Variants in CMTR1 observed in about 807,000 individuals in gnomAD.
The protein encoded by CMTR1 is cap methyltransferase 1, also known as cap-specific mRNA (nucleoside-2'-O-)-methyltransferase 1.
CMTR1 carries 39 observed loss-of-function variants against 107.0 expected under a neutral mutation model. The observed-to-expected ratio is 0.36, with a 90% CI of 0.28 to 0.48. The LOEUF is 0.48. CMTR1 is among the 20% of genes least tolerant of loss of function. The pLI is 0.99. For missense variants in CMTR1, 672 were observed against 1,064.9 expected (o/e 0.63, Z 5.14); for synonymous variants, 366 against 379.5 (o/e 0.96, Z 0.41).
chr6:37,438,892 A>G (rs372940616), intron 2 of CMTR1, among the ~76,000 whole-genome samples: 18 of 152,206 alleles, frequency 1.2e-4, no homozygotes, highest in Non-Finnish European at 1.3e-4. Flanking sequence ...AAATCATTCT[A>G]TTAAAGCAGA....
At chr6:37,424,557 G>C in the CMTR1 span, among the ~76,000 whole-genome samples, 2 of 151,850 alleles carry the variant, frequency 1.3e-5, no homozygotes, top group Admixed American at 1.3e-4. Context: ...TAGTACCTTT[G>C]TCTTAATTCC....
chr6:37,451,123 T>G (rs547884127), intron 5 of CMTR1, among the ~76,000 whole-genome samples: 1 of 152,308 alleles, frequency 6.6e-6, no homozygotes, highest in Non-Finnish European at 1.5e-5. Flanking sequence ...CATTAGCCTT[T>G]TAAACTGAAT....
chr6:37,462,215 A>G (rs552204158), intron 12 of CMTR1, 113 bp downstream of exon 12: 84 of 1,310,062 alleles, frequency 6.4e-5, no homozygotes, highest in Non-Finnish European at 8.4e-5. Context: ...CCTTGACTTT[A>G]AAGAAGTGAT....
chr6:37,450,558 T>A (rs997111681), intron 5 of CMTR1, among the ~76,000 whole-genome samples: 2 of 152,274 alleles, frequency 1.3e-5, no homozygotes, highest in African/African-American at 4.8e-5. Flanking sequence ...TCTAAGTTAT[T>A]TAAATTGTAA....
At chr6:37,451,444 G>A (rs78882616) in intron 5 of CMTR1, among the ~76,000 whole-genome samples, 2,350 of 152,202 alleles carry the variant, frequency 0.015, 57 homozygotes, top group African/African-American at 0.053. Context: ...CTGGTGGAAG[G>A]ACAAGCTTTT....
intron 3 of CMTR1, among the ~76,000 whole-genome samples, chr6:37,445,016 ACT>A (rs1358168339): frequency 1.3e-5 from 2 of 151,916 alleles, no homozygotes; most frequent in Non-Finnish European, 2.9e-5. Context: ...ACAAAGTGAG[ACT>A]CTGTCTCAAA....
chr6:37,471,898 C>G lies in CMTR1; in HGVS notation c.1614C>G (p.Leu538=). The G allele has an allele frequency of 6.2e-7, 1 of 1,613,302 alleles. No homozygotes were observed. Among genetic ancestry groups the G allele is most frequent in the East Asian group, 2.2e-5 (1 of 44,872 alleles). ...QAEIRKECLR[L]WGIPDQARVA... ...AGATACGGAAGGAGTGCCTCCGACT[C>G]TGGGGGGTGAGTATCTCCCCCGCCC... Residue 538 remains leucine (L), a synonymous_variant, in exon 15 of 24, where the codon CTC becomes CTG. Coordinates refer to ENST00000373451, the MANE Select transcript of CMTR1 (RefSeq NM_015050.3).
rs1761655281 is a variant in CMTR1, at chr6:37,472,717, G to A, written c.1689+230G>A. ...GAAGATTCTCATGTTCAGTGCTTGG[G>A]CTCAGCATTCCTGCCACCCAAAGGG... On this transcript the variant is annotated intron_variant, in intron 16 of 23. Transcript: ENST00000373451. This position sits in a 1 kb window ranked among gnomAD's most constrained non-coding sequence, Gnocchi z 4.1. 6.6e-6 allele frequency among the ~76,000 whole-genome samples: 1 copy of A among 152,216 alleles called. No homozygotes were observed. The highest frequency in any genetic ancestry group is 2.4e-5 in the African/African-American group (1 of 41,456).
At chr6:37,474,419 G>A (rs1761692316) in intron 17 of CMTR1, 105 bp from the exon 18 acceptor site, 1 of 1,314,778 alleles carries the variant, frequency 7.6e-7, no homozygotes, top group Non-Finnish European at 1.1e-6. Context: ...ACATTTCCCA[G>A]TCCCATCAGT....
intron 16 of CMTR1, 119 bp from the exon 17 acceptor site, chr6:37,473,351 A>G: frequency 1.8e-6 from 2 of 1,093,124 alleles, no homozygotes; most frequent in Non-Finnish European, 1.3e-6. Flanking sequence ...AGGGGAGCAT[A>G]TTTCAGAGAG....
intron 20 of CMTR1, 77 bp downstream of exon 20, chr6:37,476,271 G>GCT (rs1761735301): frequency 6.9e-7 from 1 of 1,450,536 alleles, no homozygotes; most frequent in Non-Finnish European, 9.7e-7. Context: ...GGACAGGAGG[G>GCT]CTCAGTGGAG....
chr6:37,443,919 G>A, intron 2 of CMTR1, 80 bp from the exon 3 acceptor site: 1 of 1,492,800 alleles, frequency 6.7e-7, no homozygotes, highest in Non-Finnish European at 9.1e-7. Flanking sequence ...CTGAACAGTA[G>A]TTGAATAAAT....
At chr6:37,450,944 G>C (rs1761144064) in intron 5 of CMTR1, among the ~76,000 whole-genome samples, 1 of 152,146 alleles carries the variant, frequency 6.6e-6, no homozygotes, top group African/African-American at 2.4e-5. Context: ...GCTATGATGT[G>C]ATATTACAAC....
upstream of CMTR1, among the ~76,000 whole-genome samples, chr6:37,432,038 G>A (rs1321767464): frequency 6.6e-6 from 1 of 152,086 alleles, no homozygotes; most frequent in Non-Finnish European, 1.5e-5. Flanking sequence ...GGCTGGTCTC[G>A]AACTCCTGAC....
chr6:37,450,819 C>T (rs1761137953), intron 5 of CMTR1, among the ~76,000 whole-genome samples: 4 of 152,226 alleles, frequency 2.6e-5, no homozygotes, highest in Admixed American at 2.6e-4. Context: ...CCGGGGATCT[C>T]TAAGACCCCT....
At chr6:37,475,805 G>A in intron 19 of CMTR1, 1 of 478,104 alleles carries the variant, frequency 2.1e-6, no homozygotes. Context: ...CATGCTTTGG[G>A]GTGACAGGGC....
Position 37,459,616 on chromosome 6 carries a change from T to G in CMTR1, c.1027T>G (p.Ser343Ala), listed in dbSNP as rs773298348. ...AGATATCACCCGCCCAGAGAACATCTCTGCTTTTCGGAATTTTGTCCTGGA... is the reference window on the plus strand; with the variant it reads ...AGATATCACCCGCCCAGAGAACATCGCTGCTTTTCGGAATTTTGTCCTGGA... Reference protein sequence around the residue: ...DGDITRPENISAFRNFVLDNT... With the variant: ...DGDITRPENIAAFRNFVLDNT... Residue 343 changes from serine to alanine, a missense_variant, in exon 10 of 24, where the codon TCT becomes GCT. By Grantham distance (99) the Ser-to-Ala change is moderately conservative (BLOSUM62 1). Transcript: ENST00000373451. 22 of 1,614,224 alleles carry G rather than the reference T, an allele frequency of 1.4e-5. No homozygotes were observed. Among genetic ancestry groups the G allele is most frequent in the Non-Finnish European group, 1.8e-5 (21 of 1,180,030 alleles).
intron 14 of CMTR1, 54 bp from the exon 15 acceptor site, chr6:37,471,793 G>T: frequency 8.4e-6 from 13 of 1,540,730 alleles, no homozygotes; most frequent in Non-Finnish European, 1.2e-5. Flanking sequence ...GTGCACAGGG[G>T]GCACTCCTGT....
At chr6:37,447,867 CAA>C (rs572445344) in intron 4 of CMTR1, among the ~76,000 whole-genome samples, 11 of 113,406 alleles carry the variant, frequency 9.7e-5, no homozygotes, top group Non-Finnish European at 5.7e-5. Context: ...GACTTTGTCT[CAA>C]AAAAAAAAAA....
Sources: gnomAD v4.1 joint callset for allele counts (sites outside exome capture counted in the v4.1 genomes callset) on GRCh38, gnomAD v4.1.1 for gene constraint, Gnocchi (gnomAD v3.1) non-coding constraint, MANE v1.5 for transcripts, NCBI Gene and HGNC (gene_info 2026-07-23, HGNC 2026-07-21) for gene names.